Variants in EPHA5 observed in about 807,000 individuals in gnomAD.
The protein encoded by EPHA5 is EPH receptor A5, also known as ephrin type-A receptor 5.
A neutral mutation model predicts 105.0 loss-of-function variants in EPHA5; 60 were observed. That is an observed-to-expected ratio of 0.57 (90% confidence interval 0.46 to 0.71). The LOEUF (loss-of-function observed/expected upper bound fraction) is 0.71. Ranked by LOEUF, EPHA5 falls within the 30% of genes least tolerant of loss-of-function variation. The probability of loss-of-function intolerance (pLI) is 0.00; values close to 1 mark genes in which losing one functional copy is unlikely to be tolerated. For missense variants in EPHA5, 1,218 were observed against 1,274.7 expected, an observed-to-expected ratio of 0.96 and a Z score of 0.68; for synonymous variants, 513 against 449.1, an observed-to-expected ratio of 1.14 and a Z score of -1.80.
intron 7 of EPHA5, among the ~76,000 whole-genome samples, chr4:65,413,592 A>T (rs527749439): frequency 6.6e-6 from 1 of 152,256 alleles, no homozygotes; most frequent in Non-Finnish European, 1.5e-5. Flanking sequence ...ACACACACAG[A>T]CACACATATA....
chr4:65,390,585 A>T (rs1720611494), intron 8 of EPHA5, among the ~76,000 whole-genome samples: 1 of 152,066 alleles, frequency 6.6e-6, no homozygotes, highest in Non-Finnish European at 1.5e-5. Context: ...AACACAGGGC[A>T]AGAACTCAAC....
At chr4:65,648,163 A>G (rs78217217) in intron 1 of EPHA5, among the ~76,000 whole-genome samples, 1 of 152,234 alleles carries the variant, frequency 6.6e-6, no homozygotes, top group Non-Finnish European at 1.5e-5. Context: ...TGGAATATGA[A>G]TAAGAAGATT....
At chr4:65,539,352 G>A (rs112155799) in intron 3 of EPHA5, among the ~76,000 whole-genome samples, 1 of 147,678 alleles carries the variant, frequency 6.8e-6, no homozygotes, top group African/African-American at 2.4e-5. Context: ...AAAAGAAGTT[G>A]TTTAAATACA....
At chr4:65,483,210 A>T (rs1173841131) in intron 5 of EPHA5, among the ~76,000 whole-genome samples, 1 of 152,212 alleles carries the variant, frequency 6.6e-6, no homozygotes, top group African/African-American at 2.4e-5. Context: ...TTATGGCAGC[A>T]TAGTATTCCA....
chr4:65,574,457 A>G, intron 3 of EPHA5: 1 of 341,408 alleles, frequency 2.9e-6, no homozygotes, highest in Non-Finnish European at 5.0e-6. Context: ...TACATTAAGA[A>G]AATAATTATA....
At chr4:65,555,593 T>A (rs1738355972) in intron 3 of EPHA5, among the ~76,000 whole-genome samples, 1 of 140,884 alleles carries the variant, frequency 7.1e-6, no homozygotes, top group African/African-American at 3.2e-5. Context: ...TTCTCCAAAG[T>A]TACTAGTTTT....
At chr4:65,371,083 G>T (rs1038501880) in intron 8 of EPHA5, among the ~76,000 whole-genome samples, 2 of 151,982 alleles carry the variant, frequency 1.3e-5, no homozygotes, top group African/African-American at 4.8e-5. Flanking sequence ...TTCTGGAAAT[G>T]ATGTCTTTTT....
Position 65,389,617 on chromosome 4 carries a change from C to T in EPHA5, c.1793+14757G>A, listed in dbSNP as rs76928258. On this transcript the variant is annotated intron_variant, in intron 8 of 16. Transcript: ENST00000613740. The stretch of plus-strand genomic sequence containing the variant: ...GTCTTTAATGTTGGCAGGATCTGTG[C>T]ATTATCTATGGAGAGGATCAGTTTA... Among the ~76,000 whole-genome samples the T allele has an allele frequency of 1.5e-3, 222 of 152,042 alleles. 3 individuals are homozygous for T. In the East Asian group the frequency reaches 0.038, roughly 26 times the overall value.
At chr4:65,402,160 C>T (rs1462108201) in intron 8 of EPHA5, among the ~76,000 whole-genome samples, 3 of 152,052 alleles carry the variant, frequency 2.0e-5, no homozygotes, top group African/African-American at 2.4e-5. Context: ...AGCACTTCTC[C>T]TTCCTGTTGC....
At chr4:65,570,229 A>G (rs1739981886) in intron 3 of EPHA5, among the ~76,000 whole-genome samples, 1 of 151,856 alleles carries the variant, frequency 6.6e-6, no homozygotes, top group Admixed American at 6.6e-5. Flanking sequence ...CATCAGGGTC[A>G]CTGCCTGAGG....
intron 5 of EPHA5, among the ~76,000 whole-genome samples, chr4:65,473,817 A>G (rs1729523295): frequency 6.6e-6 from 1 of 151,554 alleles, no homozygotes; most frequent in Non-Finnish European, 1.5e-5. Flanking sequence ...CCCGACAGGT[A>G]GTTTTTGACA....
chr4:65,460,390 G>A, intron 5 of EPHA5, among the ~76,000 whole-genome samples: 1 of 150,726 alleles, frequency 6.6e-6, no homozygotes, highest in East Asian at 1.9e-4. Context: ...ACATTATTTA[G>A]TTTCCTTATG....
At chr4:65,427,310 G>A (rs36028582) in intron 5 of EPHA5, among the ~76,000 whole-genome samples, 9,410 of 149,534 alleles carry the variant, frequency 0.063, 569 homozygotes, top group African/African-American at 0.16. Flanking sequence ...TCAGCCTCCC[G>A]AGTAGCTGGG....
chr4:65,552,424 A>C (rs879152371), intron 3 of EPHA5, among the ~76,000 whole-genome samples: 1 of 152,162 alleles, frequency 6.6e-6, no homozygotes, highest in Admixed American at 6.6e-5. Flanking sequence ...ATGAAATCGG[A>C]AAATCAGATA....
At chr4:65,452,278 C>G (rs1727140104) in intron 5 of EPHA5, among the ~76,000 whole-genome samples, 1 of 152,000 alleles carries the variant, frequency 6.6e-6, no homozygotes, top group Admixed American at 6.6e-5. Flanking sequence ...AATTTCTGTA[C>G]AATTTTTTAA....
chr4:65,521,807 T>C (rs1734753145), intron 3 of EPHA5, among the ~76,000 whole-genome samples: 1 of 151,942 alleles, frequency 6.6e-6, no homozygotes. Context: ...CAGCTACCAT[T>C]CCCACCCTGA....
At chr4:65,364,930 C>A (rs1717713241) in intron 11 of EPHA5, 87 bp downstream of exon 11, 1 of 1,060,320 alleles carries the variant, frequency 9.4e-7, no homozygotes, top group Admixed American at 2.5e-5. Flanking sequence ...ATATTACAAT[C>A]TTGGTTTCTC....
At chr4:65,561,068 A>G (rs1738958438) in intron 3 of EPHA5, among the ~76,000 whole-genome samples, 1 of 152,008 alleles carries the variant, frequency 6.6e-6, no homozygotes, top group Non-Finnish European at 1.5e-5. Flanking sequence ...ATCGGTACCA[A>G]TTAAGTATAG....
chr4:65,555,442 T>C (rs754590761), intron 3 of EPHA5, among the ~76,000 whole-genome samples: 1 of 151,908 alleles, frequency 6.6e-6, no homozygotes, highest in Non-Finnish European at 1.5e-5. Flanking sequence ...AACTACCTAA[T>C]AGGTACTAAG....
Sources: gnomAD v4.1 joint callset for allele counts (sites outside exome capture counted in the v4.1 genomes callset) on GRCh38, gnomAD v4.1.1 for gene constraint, MANE v1.5 for transcripts, NCBI Gene and HGNC (gene_info 2026-07-23, HGNC 2026-07-21) for gene names.